The following LARGE1 variants were observed in gnomAD, a reference collection of about 807,000 sequenced individuals.
The protein encoded by LARGE1 is xylosyl- and glucuronyltransferase LARGE1.
In LARGE1, 43 loss-of-function variants were observed where a neutral mutation model predicts 87.6. The ratio of observed to expected loss-of-function variants is 0.49; its 90% CI spans 0.38 to 0.63. The LOEUF is 0.63. Ranked by LOEUF, LARGE1 falls within the 30% of genes least tolerant of loss-of-function variation. LARGE1 has a pLI of 0.00. For missense variants in LARGE1, 802 were observed against 1,000.2 expected, an observed-to-expected ratio of 0.80 and a Z score of 2.67; for synonymous variants, 434 against 394.6, an observed-to-expected ratio of 1.10 and a Z score of -1.18.
At chr22:33,340,187 G>C (rs1159442279) in intron 9 of LARGE1, among the ~76,000 whole-genome samples, 1 of 151,820 alleles carries the variant, frequency 6.6e-6, no homozygotes, top group Non-Finnish European at 1.5e-5. Context: ...TAGAGGCACA[G>C]AAAGACTCTG....
chr22:33,282,974 G>A (rs1429638627), intron 13 of LARGE1, among the ~76,000 whole-genome samples: 1 of 152,152 alleles, frequency 6.6e-6, no homozygotes, highest in Non-Finnish European at 1.5e-5. Flanking sequence ...CCTTCCATCT[G>A]AACACATAAC....
At chr22:33,423,514 T>TA (rs895447220) in intron 7 of LARGE1, among the ~76,000 whole-genome samples, 4 of 150,902 alleles carry the variant, frequency 2.7e-5, no homozygotes, top group East Asian at 1.9e-4. Flanking sequence ...CCGTCTCTAT[T>TA]AAAAAAAATA....
At chr22:33,414,437 T>C (rs192527981) in intron 7 of LARGE1, among the ~76,000 whole-genome samples, 148 of 152,152 alleles carry the variant, frequency 9.7e-4, no homozygotes, top group African/African-American at 3.3e-3. Flanking sequence ...GCCATAGGCC[T>C]TGGGGAGAAA....
chr22:33,241,521 T>G (rs1438141576), intron 11 of LARGE1, among the ~76,000 whole-genome samples: 1 of 152,022 alleles, frequency 6.6e-6, no homozygotes, highest in African/African-American at 2.4e-5. Flanking sequence ...GAAAAAAAGT[T>G]ATATATATGT....
chr22:33,663,834 G>A (rs992256381), intron 2 of LARGE1, among the ~76,000 whole-genome samples: 1 of 152,144 alleles, frequency 6.6e-6, no homozygotes, highest in Admixed American at 6.5e-5. Flanking sequence ...CTGAATGCAG[G>A]GCTGGCAGTT....
chr22:33,405,133 A>G (rs2066053101), intron 7 of LARGE1, among the ~76,000 whole-genome samples: 1 of 152,236 alleles, frequency 6.6e-6, no homozygotes, highest in Admixed American at 6.5e-5. Flanking sequence ...ATCGTCCTGC[A>G]TTCAGTAGAT....
At chr22:33,359,786 G>A (rs375977177) in intron 9 of LARGE1, among the ~76,000 whole-genome samples, 8 of 148,726 alleles carry the variant, frequency 5.4e-5, no homozygotes, top group South Asian at 2.3e-4. Context: ...GGATGGTCTC[G>A]ATCTCCTGAC....
chr22:33,108,209 T>C, the LARGE1 span, among the ~76,000 whole-genome samples: 62 of 152,316 alleles, frequency 4.1e-4, no homozygotes, highest in Non-Finnish European at 7.2e-4. Flanking sequence ...CTCATCCTAA[T>C]TGTGAGTCAC....
At chr22:33,324,344 C>T (rs1937057222) in intron 10 of LARGE1, among the ~76,000 whole-genome samples, 1 of 146,632 alleles carries the variant, frequency 6.8e-6, no homozygotes, top group Non-Finnish European at 1.5e-5. Flanking sequence ...AAACCTGCCT[C>T]CTTTTCACCC....
intron 7 of LARGE1, among the ~76,000 whole-genome samples, chr22:33,429,228 G>A (rs1381235262): frequency 3.9e-5 from 6 of 152,138 alleles, no homozygotes; most frequent in Non-Finnish European, 8.8e-5. Flanking sequence ...ACAATCCTTG[G>A]TTTTAAAGCG....
the LARGE1 span, among the ~76,000 whole-genome samples, chr22:33,131,398 T>G: frequency 6.6e-6 from 1 of 152,104 alleles, no homozygotes; most frequent in Non-Finnish European, 1.5e-5. Context: ...TCCCAGATGT[T>G]CTCTCATGTC....
At chr22:33,407,330 G>C (rs16992279) in intron 7 of LARGE1, among the ~76,000 whole-genome samples, 1 of 152,012 alleles carries the variant, frequency 6.6e-6, no homozygotes, top group African/African-American at 2.4e-5. Flanking sequence ...CAGCAGGACA[G>C]CTCTAACTGC....
chr22:33,683,815 C>A (rs941911208), intron 2 of LARGE1, among the ~76,000 whole-genome samples: 5 of 152,204 alleles, frequency 3.3e-5, no homozygotes, highest in African/African-American at 1.2e-4. Context: ...GACTATACAA[C>A]ACCAAGAAAA....
intron 5 of LARGE1, among the ~76,000 whole-genome samples, chr22:33,579,884 C>T (rs999496175): frequency 1.3e-5 from 2 of 152,208 alleles, no homozygotes; most frequent in African/African-American, 4.8e-5. Context: ...AATAGCACAG[C>T]TCTGTAACTT....
chr22:33,878,278 T>C (rs559722908), intron 1 of LARGE1, among the ~76,000 whole-genome samples: 39 of 150,858 alleles, frequency 2.6e-4, no homozygotes, highest in African/African-American at 8.7e-4. Context: ...GCTGGGACTA[T>C]AGGCACCCGC....
chr22:33,789,650 T>C (rs552021643), intron 1 of LARGE1, among the ~76,000 whole-genome samples: 2 of 152,200 alleles, frequency 1.3e-5, no homozygotes, highest in Non-Finnish European at 2.9e-5. Flanking sequence ...GCCCACCTCT[T>C]GCATCAGCAT....
chr22:33,111,357 A>AG, the LARGE1 span, among the ~76,000 whole-genome samples: 1 of 152,108 alleles, frequency 6.6e-6, no homozygotes, highest in Non-Finnish European at 1.5e-5. Context: ...TTTGTTGCTA[A>AG]GGATGTATCA....
chr22:33,862,483 C>T (rs571204289), intron 1 of LARGE1, among the ~76,000 whole-genome samples: 63 of 152,226 alleles, frequency 4.1e-4, no homozygotes, highest in Middle Eastern at 3.2e-3. Flanking sequence ...ACTACAATTT[C>T]GTCTTTTCCA....
At chr22:33,488,340 A>G (rs2069678137) in intron 6 of LARGE1, among the ~76,000 whole-genome samples, 1 of 152,232 alleles carries the variant, frequency 6.6e-6, no homozygotes, top group African/African-American at 2.4e-5. Flanking sequence ...GTTATGTTGG[A>G]CAGAGCTTAG....
Sources: allele counts gnomAD v4.1 joint callset (sites outside exome capture counted in the v4.1 genomes callset), GRCh38; gene constraint gnomAD v4.1.1; transcripts MANE v1.5; gene names NCBI Gene and HGNC (gene_info 2026-07-23, HGNC 2026-07-21).